PHOSPHO1: variants seen among roughly 807,000 people sequenced by gnomAD.
PHOSPHO1 encodes the protein phosphoethanolamine/phosphocholine phosphatase.
Under a neutral mutation model 17.7 loss-of-function variants are expected in PHOSPHO1, and 6 were observed. That is an observed-to-expected ratio of 0.34 (90% CI 0.19 to 0.67). PHOSPHO1 has a LOEUF of 0.67. PHOSPHO1 is among the 30% of genes least tolerant of loss of function. PHOSPHO1 has a pLI of 0.69. For synonymous variants in PHOSPHO1, 159 were observed against 174.6 expected (o/e 0.91, Z 0.71); for missense variants, 330 against 392.1 (o/e 0.84, Z 1.34).
rs760967999 is a variant in PHOSPHO1 at position 49,224,716 on chromosome 17, G to C, written c.334C>G (p.Gln112Glu). The C allele has an allele frequency of 4.4e-6, 7 of 1,596,974 alleles. No individual in the cohort carries two copies. In the Admixed American group the frequency reaches 1.2e-4, roughly 28 times the overall value. ...AGAATCACCTCGAAGCAGGCGCCCT[G>C]TTTTGCCACAAACTGCAGCAGGTCG... Reference protein sequence around the residue: ...MSDLLQFVAKQGACFEVILIS... With the variant: ...MSDLLQFVAKEGACFEVILIS... Residue 112 changes from glutamine (Q) to glutamate (E), a missense_variant, in exon 3 of 3, where the codon CAG becomes GAG. Transcript: ENST00000310544.
At chr17:49,228,782 C>T (rs1395889556) in intron 1 of PHOSPHO1, among the ~76,000 whole-genome samples, 1 of 119,694 alleles carries the variant, frequency 8.4e-6, no homozygotes, top group Non-Finnish European at 1.7e-5. Context: ...AGCGAGACTC[C>T]GTCTCAAAAA....
At chr17:49,227,043 A>G (rs1489140013) in intron 1 of PHOSPHO1, among the ~76,000 whole-genome samples, 1 of 152,172 alleles carries the variant, frequency 6.6e-6, no homozygotes, top group East Asian at 1.9e-4. Context: ...TTTCTCTAGT[A>G]TCATCATTGT....
intron 2 of PHOSPHO1, among the ~76,000 whole-genome samples, chr17:49,225,949 G>A (rs572914058): frequency 6.6e-6 from 1 of 152,106 alleles, no homozygotes; most frequent in Admixed American, 6.5e-5. Context: ...GTAGGGGTAG[G>A]GATAAGGGAG....
rs755775872 is a variant in PHOSPHO1 at position 49,224,805 on chromosome 17, T to G, written c.245A>C (p.Gln82Pro). Residue 82 changes from glutamine (Q) to proline (P), a missense_variant, in exon 3 of 3, where the codon CAG becomes CCG. By Grantham distance (76) the Gln-to-Pro change is moderately conservative (BLOSUM62 -1). Coordinates refer to ENST00000310544, the MANE Select transcript of PHOSPHO1 (RefSeq NM_178500.4). ...GCTCAGGTCCCGCGGCCGCACGCCCTGCTCGCCCAGGTACTTGAAGACGCG... is the reference window on the plus strand; with the variant it reads ...GCTCAGGTCCCGCGGCCGCACGCCCGGCTCGCCCAGGTACTTGAAGACGCG... ...MQRVFKYLGE[Q>P]GVRPRDLSAI... The G allele has an allele frequency of 1.0e-5, 16 of 1,600,240 alleles. No individual in the cohort carries two copies. In the South Asian group the frequency reaches 1.8e-4, roughly 18 times the overall value.
At chr17:49,227,327 C>G (rs1404746053) in intron 1 of PHOSPHO1, among the ~76,000 whole-genome samples, 11 of 152,172 alleles carry the variant, frequency 7.2e-5, no homozygotes, top group Admixed American at 7.2e-4. Context: ...CTGGGAATGG[C>G]CTCCCTGTTG....
chr17:49,228,296 C>T (rs2043379161), intron 1 of PHOSPHO1, among the ~76,000 whole-genome samples: 1 of 65,278 alleles, frequency 1.5e-5, no homozygotes, highest in African/African-American at 5.8e-5. Flanking sequence ...TTCCTTCCTT[C>T]CTCCTTCCTT....
At chr17:49,225,645 T>C (rs2043346987) in intron 2 of PHOSPHO1, 35 of 1,291,038 alleles carry the variant, frequency 2.7e-5, no homozygotes, top group Non-Finnish European at 3.5e-5. Context: ...AGCTCATCAC[T>C]AATCACTTGC....
chr17:49,225,288 C>T (rs1009667361), intron 2 of PHOSPHO1: 5 of 985,334 alleles, frequency 5.1e-6, no homozygotes, highest in African/African-American at 3.5e-5. Context: ...CTACTCTCAT[C>T]GAGGGCCAAT....
At chr17:49,229,644 G>C (rs1392424253) in intron 1 of PHOSPHO1, among the ~76,000 whole-genome samples, 1 of 152,082 alleles carries the variant, frequency 6.6e-6, no homozygotes, top group Non-Finnish European at 1.5e-5. Context: ...ATGGGGAGGC[G>C]AGGACTCCAG....
rs1309402752 is a variant in PHOSPHO1, at chr17:49,226,685, C to T, written c.7G>A (p.Gly3Ser). MSGCFPVSGLRCL... is the reference protein window; with the variant it reads MSSCFPVSGLRCL... ...CGGAGGCCAGAAACTGGAAAACAGC[C>T]ACTCATTGTCGGTGCATTACCGTGA... The change falls in exon 2 of 3, where the codon GGC (glycine) becomes AGC (serine). Residue 3 changes from glycine (G) to serine (S), a missense_variant. Coordinates refer to ENST00000310544, the MANE Select transcript of PHOSPHO1 (RefSeq NM_178500.4). 3 of 1,614,108 alleles carry T rather than the reference C, an allele frequency of 1.9e-6. No homozygotes were observed. Among genetic ancestry groups the T allele is most frequent in the Non-Finnish European group, 2.5e-6 (3 of 1,180,052 alleles).
chr17:49,230,103 G>C (rs1448445451), intron 1 of PHOSPHO1, among the ~76,000 whole-genome samples: 1 of 152,150 alleles, frequency 6.6e-6, no homozygotes, highest in Non-Finnish European at 1.5e-5. Context: ...GGCAGGGGCA[G>C]GGAGGTGGCA....
chr17:49,229,966 T>C (rs2143575802), intron 1 of PHOSPHO1, among the ~76,000 whole-genome samples: 1 of 152,218 alleles, frequency 6.6e-6, no homozygotes, highest in East Asian at 1.9e-4. Context: ...GGCAGGGAGC[T>C]TGCGGTCCTG....
chr17:49,224,180 T>C lies in PHOSPHO1; in HGVS notation c.*66A>G. On this transcript the variant is annotated 3_prime_UTR_variant, in exon 3 of 3. Transcript: ENST00000310544. ...GGAAAAGGGAGTAGTAAAGCTGTCTTTGCCGAATCTCCCTTCCCCGCCCCC... is the reference window on the plus strand; with the variant it reads ...GGAAAAGGGAGTAGTAAAGCTGTCTCTGCCGAATCTCCCTTCCCCGCCCCC... 1.4e-6 allele frequency: 2 copies of C among 1,468,040 alleles called. No individual in the cohort carries two copies. The highest frequency in any genetic ancestry group is 9.0e-7 in the Non-Finnish European group (1 of 1,115,092). The allele number at this position is 1,468,040 out of a possible 1,614,324, so 90.9% of individuals were successfully genotyped here.
intron 1 of PHOSPHO1, among the ~76,000 whole-genome samples, chr17:49,228,302 TC>T (rs2043379984): frequency 1.7e-5 from 1 of 57,484 alleles, no homozygotes; most frequent in Admixed American, 1.8e-4. Flanking sequence ...CCTTCCTCCT[TC>T]CTTCCTTCCT....
intron 2 of PHOSPHO1, among the ~76,000 whole-genome samples, chr17:49,226,441 G>A (rs572875444): frequency 6.6e-6 from 1 of 152,242 alleles, no homozygotes; most frequent in African/African-American, 2.4e-5. Flanking sequence ...GCATTTCAGT[G>A]GCCCAGGATC....
chr17:49,228,963 AAC>A (rs201660138), intron 1 of PHOSPHO1: 4,574 of 52,394 alleles, frequency 0.087, 223 homozygotes, highest in East Asian at 0.4. Flanking sequence ...CCCCATCCCC[AAC>A]ACACACACAC....
intron 1 of PHOSPHO1, among the ~76,000 whole-genome samples, chr17:49,230,231 G>C (rs950430596): frequency 1.1e-4 from 16 of 152,090 alleles, no homozygotes; most frequent in African/African-American, 3.9e-4. Context: ...CGCGGCTCGG[G>C]GAGGGGTATT....
At chr17:49,225,206 C>A in intron 2 of PHOSPHO1, 1 of 1,425,596 alleles carries the variant, frequency 7.0e-7, no homozygotes, top group South Asian at 1.6e-5. Context: ...CCTTCCCTGA[C>A]TACTCCAGTG....
intron 1 of PHOSPHO1, chr17:49,229,054 G>C (rs1176196044): frequency 6.6e-6 from 1 of 151,908 alleles, no homozygotes; most frequent in Non-Finnish European, 1.5e-5. Flanking sequence ...AGTATCTAGG[G>C]GATTCAGTTA....
Sources: allele counts gnomAD v4.1 joint callset (sites outside exome capture counted in the v4.1 genomes callset), GRCh38; gene constraint gnomAD v4.1.1; transcripts MANE v1.5; gene names NCBI Gene and HGNC (gene_info 2026-07-23, HGNC 2026-07-21).